The following PACRG variants were observed in gnomAD, a reference collection of about 807,000 sequenced individuals.
PACRG encodes parkin coregulated, also known as parkin coregulated gene protein.
In PACRG, 29 loss-of-function variants were observed where a neutral mutation model predicts 29.7. That is an observed-to-expected ratio of 0.98 (90% CI 0.73 to 1.33). The LOEUF (loss-of-function observed/expected upper bound fraction) is 1.33, where lower values mean the gene tolerates loss of function less well. Ranked by LOEUF, PACRG falls within the 40% of genes most tolerant of loss-of-function variation. PACRG has a pLI of 0.00. For missense variants in PACRG, 279 were observed against 316.2 expected, an observed-to-expected ratio of 0.88 and a Z score of 0.89; for synonymous variants, 116 against 118.7, an observed-to-expected ratio of 0.98 and a Z score of 0.15.
At chr6:162,953,680 C>G (rs146172006) in intron 2 of PACRG, among the ~76,000 whole-genome samples, 189 of 152,196 alleles carry the variant, frequency 1.2e-3, no homozygotes, top group African/African-American at 4.3e-3. Flanking sequence ...TCCTCCCGCT[C>G]TCTCTCCCTA....
At chr6:162,751,955 A>G (rs1781543658) in intron 1 of PACRG, among the ~76,000 whole-genome samples, 1 of 152,254 alleles carries the variant, frequency 6.6e-6, no homozygotes, top group East Asian at 1.9e-4. Flanking sequence ...ATTTGTTTCT[A>G]TGTTGAACTA....
At chr6:162,737,425 G>A (rs989381008) in intron 1 of PACRG, among the ~76,000 whole-genome samples, 3 of 152,062 alleles carry the variant, frequency 2.0e-5, no homozygotes, top group Admixed American at 2.0e-4. Context: ...AGTATGATGG[G>A]GAAGATCTCA....
rs143581521 is a variant in PACRG at position 162,851,759 on chromosome 6, T to C, written c.291+37478T>C. Among the ~76,000 whole-genome samples the C allele has an allele frequency of 1.3e-3, 198 of 152,248 alleles. 3 individuals carry two copies. Among genetic ancestry groups the C allele is most frequent in the African/African-American group, 4.5e-3 (186 of 41,562 alleles). On this transcript the variant is annotated intron_variant, in intron 2 of 4. Transcript: ENST00000366888. ...AATTATTATTGATTATTATATGATA[T>C]GTAAATTAATTTAAACATTAAAAAA...
intron 4 of PACRG, among the ~76,000 whole-genome samples, chr6:163,273,899 A>G (rs1370808898): frequency 6.6e-6 from 1 of 152,154 alleles, no homozygotes; most frequent in African/African-American, 2.4e-5. Context: ...GAGTTAGTTT[A>G]ATTCCTTTTA....
intron 4 of PACRG, among the ~76,000 whole-genome samples, chr6:163,276,406 C>T (rs1354459647): frequency 6.6e-6 from 1 of 152,064 alleles, no homozygotes; most frequent in Non-Finnish European, 1.5e-5. Flanking sequence ...ATTTTGTTTC[C>T]ACTAGGTTCG....
intron 2 of PACRG, among the ~76,000 whole-genome samples, chr6:162,981,239 G>A (rs2128172139): frequency 6.6e-6 from 1 of 150,644 alleles, no homozygotes; most frequent in Admixed American, 6.6e-5. Context: ...TGGCTGAGTA[G>A]TATTCCATGG....
intron 1 of PACRG, among the ~76,000 whole-genome samples, chr6:162,769,845 T>G (rs1189483618): frequency 2.6e-5 from 4 of 151,984 alleles, no homozygotes; most frequent in Non-Finnish European, 5.9e-5. Flanking sequence ...ATATAATTTA[T>G]AGGTTAAGGA....
intron 3 of PACRG, among the ~76,000 whole-genome samples, chr6:163,085,557 T>C (rs775884696): frequency 2.0e-5 from 3 of 152,202 alleles, no homozygotes; most frequent in Admixed American, 6.5e-5. Flanking sequence ...AGTCAGGGTA[T>C]CTTTCTACTA....
chr6:163,229,447 A>G (rs2128162735), intron 4 of PACRG, among the ~76,000 whole-genome samples: 1 of 152,344 alleles, frequency 6.6e-6, no homozygotes, highest in South Asian at 2.1e-4. Flanking sequence ...TTCTCAGAGC[A>G]CTCAGATTGC....
At chr6:162,870,524 C>T (rs182770463) in intron 2 of PACRG, among the ~76,000 whole-genome samples, 5 of 152,122 alleles carry the variant, frequency 3.3e-5, no homozygotes, top group Non-Finnish European at 5.9e-5. Flanking sequence ...GCACCCATCA[C>T]CCAAGCAGTA....
intron 2 of PACRG, among the ~76,000 whole-genome samples, chr6:162,954,439 C>CTT (rs1324200239): frequency 7.5e-6 from 1 of 133,974 alleles, no homozygotes; most frequent in Non-Finnish European, 1.6e-5. Flanking sequence ...TCCTGAGTTG[C>CTT]TTTTTTTTTT....
chr6:163,181,711 G>T (rs1224753562), intron 4 of PACRG, among the ~76,000 whole-genome samples: 2 of 150,052 alleles, frequency 1.3e-5, no homozygotes, highest in African/African-American at 2.5e-5. Flanking sequence ...TTGATTATTA[G>T]TACAGTAGTT....
chr6:163,093,928 C>T (rs891799702), intron 4 of PACRG, among the ~76,000 whole-genome samples: 3 of 152,134 alleles, frequency 2.0e-5, no homozygotes, highest in Non-Finnish European at 2.9e-5. Flanking sequence ...ATGTTTGTAC[C>T]AGGTCTTTGA....
At chr6:163,138,104 A>G (rs1817010388) in intron 4 of PACRG, among the ~76,000 whole-genome samples, 1 of 152,236 alleles carries the variant, frequency 6.6e-6, no homozygotes, top group Admixed American at 6.5e-5. Flanking sequence ...TCCAAGTTCC[A>G]AATTTGGAAA....
chr6:163,024,815 A>G (rs1381246081), intron 2 of PACRG, among the ~76,000 whole-genome samples: 6 of 152,200 alleles, frequency 3.9e-5, no homozygotes, highest in Admixed American at 1.3e-4. Context: ...ACATAGACAC[A>G]AAATTCCTCA....
At chr6:162,855,307 G>A (rs566077305) in intron 2 of PACRG, among the ~76,000 whole-genome samples, 3 of 152,304 alleles carry the variant, frequency 2.0e-5, no homozygotes, top group African/African-American at 7.2e-5. Flanking sequence ...TGTGATTTAT[G>A]ACACTGATGA....
rs1554296145 is a variant in PACRG at position 162,874,151 on chromosome 6, AAT to A, written c.291+59885_291+59886del. The stretch of plus-strand genomic sequence containing the variant: ...AACATGAGGGAGTTAAAAAAAAAAA[AAT>A]ATATATATATATATGTATATATATG... On this transcript the variant is annotated intron_variant, in intron 2 of 4. Coordinates refer to ENST00000366888, the MANE Select transcript of PACRG (RefSeq NM_001080379.2). Among the ~76,000 whole-genome samples the A allele has an allele frequency of 8.7e-3, 1,191 of 136,276 alleles. 15 individuals are homozygous for A. The highest frequency in any genetic ancestry group is 0.046 in the Middle Eastern group (12 of 260). 89.4% of individuals were successfully genotyped at this position (136,276 alleles called of 152,430 possible).
At chr6:162,953,129 C>A (rs1266073354) in intron 2 of PACRG, among the ~76,000 whole-genome samples, 1 of 152,034 alleles carries the variant, frequency 6.6e-6, no homozygotes, top group Non-Finnish European at 1.5e-5. Context: ...ATTTAAAGAA[C>A]CACAAGTGTC....
intron 2 of PACRG, among the ~76,000 whole-genome samples, chr6:162,883,388 A>G (rs1342726836): frequency 1.3e-5 from 2 of 152,184 alleles, no homozygotes; most frequent in East Asian, 1.9e-4. Flanking sequence ...TTACAAAGAC[A>G]TATTTGCTGA....
Sources: allele counts gnomAD v4.1 joint callset (sites outside exome capture counted in the v4.1 genomes callset), GRCh38; gene constraint gnomAD v4.1.1; transcripts MANE v1.5; gene names NCBI Gene and HGNC (gene_info 2026-07-23, HGNC 2026-07-21).